The following EYS variants were observed in gnomAD, a reference collection of about 807,000 sequenced individuals.
EYS encodes EGF-like photoreceptor maintenance factor, also known as protein eyes shut homolog.
EYS carries 250 observed loss-of-function variants against 282.1 expected under a neutral mutation model. The observed-to-expected ratio is 0.89, with a 90% CI of 0.80 to 0.98. EYS has a LOEUF of 0.98. EYS is among the 50% of genes least tolerant of loss of function. The pLI, the probability that EYS is intolerant of heterozygous loss-of-function variation, is 0.00. For synonymous variants in EYS, 1,355 were observed against 1,282.9 expected (o/e 1.06, Z -1.20); for missense variants, 4,016 against 3,709.0 (o/e 1.08, Z -2.15).
chr6:64,693,079 T>A (rs1281764173), intron 22 of EYS, among the ~76,000 whole-genome samples: 1 of 149,190 alleles, frequency 6.7e-6, no homozygotes, highest in Non-Finnish European at 1.5e-5. Context: ...ATATCTTTTT[T>A]AAAAAGCACA....
chr6:65,141,424 G>A (rs1423105063), intron 12 of EYS, among the ~76,000 whole-genome samples: 7 of 151,546 alleles, frequency 4.6e-5, no homozygotes, highest in African/African-American at 1.5e-4. Flanking sequence ...GCACACCAGC[G>A]TGGCACATGT....
intron 12 of EYS, among the ~76,000 whole-genome samples, chr6:65,168,064 T>TTCTCTA (rs763946546): frequency 2.4e-4 from 35 of 144,148 alleles, no homozygotes; most frequent in Admixed American, 4.2e-4. Flanking sequence ...GACTGCTGTA[T>TTCTCTA]TCTCTATTTT....
At chr6:64,472,589 G>A (rs571558976) in intron 26 of EYS, among the ~76,000 whole-genome samples, 1 of 152,184 alleles carries the variant, frequency 6.6e-6, no homozygotes, top group East Asian at 1.9e-4. Flanking sequence ...TCAATTTAAT[G>A]AGGAATTTGA....
At chr6:65,448,054 G>A (rs1481115507) in intron 5 of EYS, among the ~76,000 whole-genome samples, 3 of 151,974 alleles carry the variant, frequency 2.0e-5, no homozygotes, top group East Asian at 3.9e-4. Flanking sequence ...AAATACTACT[G>A]GCAATTTGGA....
chr6:65,508,157 G>A (rs1354333239), intron 2 of EYS, among the ~76,000 whole-genome samples: 1 of 152,102 alleles, frequency 6.6e-6, no homozygotes, highest in African/African-American at 2.4e-5. Flanking sequence ...TTAGTGTCTG[G>A]TTTTGTTGTC....
intron 22 of EYS, among the ~76,000 whole-genome samples, chr6:64,678,433 C>T (rs1583030420): frequency 6.6e-6 from 1 of 151,614 alleles, no homozygotes; most frequent in South Asian, 2.1e-4. Flanking sequence ...CAAACATTAG[C>T]TGGGCATGGT....
chr6:63,804,305 C>G (rs886082683), intron 37 of EYS, among the ~76,000 whole-genome samples: 1 of 152,154 alleles, frequency 6.6e-6, no homozygotes, highest in Non-Finnish European at 1.5e-5. Context: ...CGTGAGTCAC[C>G]GCGCCTGGCC....
intron 26 of EYS, among the ~76,000 whole-genome samples, chr6:64,488,795 T>C (rs1006411542): frequency 3.3e-5 from 5 of 150,980 alleles, no homozygotes; most frequent in Admixed American, 6.6e-5. Flanking sequence ...GAAAAGTATA[T>C]AGGCTTTGGA....
intron 22 of EYS, among the ~76,000 whole-genome samples, chr6:64,750,980 C>G (rs1486530285): frequency 2.6e-5 from 4 of 151,822 alleles, no homozygotes; most frequent in Non-Finnish European, 5.9e-5. Context: ...AATTTCGAGG[C>G]ACTTGGAGCA....
At chr6:64,060,265 T>A (rs1049516511) in intron 33 of EYS, among the ~76,000 whole-genome samples, 7 of 152,146 alleles carry the variant, frequency 4.6e-5, no homozygotes, top group Non-Finnish European at 1.0e-4. Context: ...CTGTCAAAAT[T>A]ATAGATAATA....
chr6:65,614,467 G>C (rs168512), intron 2 of EYS, among the ~76,000 whole-genome samples: 116,788 of 151,896 alleles, frequency 0.77, 44,993 homozygotes, highest in Middle Eastern at 0.82. Context: ...TCCAGAATAT[G>C]TTGCATTAAA....
intron 35 of EYS, among the ~76,000 whole-genome samples, chr6:63,971,526 T>C (rs1766567473): frequency 6.6e-6 from 1 of 152,234 alleles, no homozygotes; most frequent in South Asian, 2.1e-4. Context: ...TCTTCAGTTT[T>C]CTCCATGGGA....
At chr6:65,229,823 G>C (rs496599) in intron 12 of EYS, among the ~76,000 whole-genome samples, 49,973 of 151,510 alleles carry the variant, frequency 0.33, 9,420 homozygotes, top group African/African-American at 0.52. Flanking sequence ...GATATGAGAT[G>C]TTGCATTTAC....
chr6:64,066,444 C>T lies in EYS; in HGVS notation c.6619G>A (p.Glu2207Lys). The T allele has an allele frequency of 2.6e-6, 4 of 1,548,702 alleles. No individual in the cohort carries two copies. Among genetic ancestry groups the T allele is most frequent in the Non-Finnish European group, 3.5e-6 (4 of 1,144,518 alleles). Residue 2207 changes from glutamate to lysine, a missense_variant, in exon 33 of 43, where the codon GAA becomes AAA. Coordinates refer to ENST00000503581, the MANE Select transcript of EYS (RefSeq NM_001142800.2). ...CCATATTTAACTGATGGCCTTCCTTCCACAAGAAATAAATGAAGAAACTGC... is the reference window on the plus strand; with the variant it reads ...CCATATTTAACTGATGGCCTTCCTTTCACAAGAAATAAATGAAGAAACTGC... ...GKQFLHLFLV[E>K]GRPSVKYGCG...
At chr6:64,685,447 G>A (rs1430433924) in intron 22 of EYS, among the ~76,000 whole-genome samples, 3 of 152,228 alleles carry the variant, frequency 2.0e-5, no homozygotes, top group Admixed American at 6.5e-5. Flanking sequence ...GGGTCATGGG[G>A]GTAGATCCCT....
intron 19 of EYS, among the ~76,000 whole-genome samples, chr6:64,840,199 A>T (rs935677863): frequency 6.6e-6 from 1 of 152,100 alleles, no homozygotes; most frequent in Non-Finnish European, 1.5e-5. Context: ...TACTTTACAT[A>T]TTATTGCTAT....
chr6:63,736,485 T>C (rs558988159), intron 41 of EYS, among the ~76,000 whole-genome samples: 48 of 152,268 alleles, frequency 3.2e-4, no homozygotes, highest in Middle Eastern at 6.8e-3. Context: ...TTTTGGTTAC[T>C]GTAGCCTTGT....
chr6:63,976,730 T>C (rs1766854125), intron 35 of EYS, among the ~76,000 whole-genome samples: 1 of 151,606 alleles, frequency 6.6e-6, no homozygotes, highest in African/African-American at 2.4e-5. Flanking sequence ...AAAAATCATG[T>C]TTATAACTTT....
chr6:65,172,760 T>C (rs1250808570), intron 12 of EYS, among the ~76,000 whole-genome samples: 1 of 151,270 alleles, frequency 6.6e-6, no homozygotes, highest in African/African-American at 2.4e-5. Flanking sequence ...AACATGGTCT[T>C]GAGAGGTCTA....
Sources: gnomAD v4.1 joint callset for allele counts (sites outside exome capture counted in the v4.1 genomes callset) on GRCh38, gnomAD v4.1.1 for gene constraint, MANE v1.5 for transcripts, NCBI Gene and HGNC (gene_info 2026-07-23, HGNC 2026-07-21) for gene names.